The following FTCD variants were observed in gnomAD, a reference collection of about 807,000 sequenced individuals.
FTCD encodes formimidoyltransferase-cyclodeaminase.
Under a neutral mutation model 62.9 loss-of-function variants are expected in FTCD, and 76 were observed. The observed-to-expected ratio is 1.21, with a 90% CI of 1.00 to 1.46. FTCD has a LOEUF of 1.46. FTCD is among the 40% of genes most tolerant of loss of function. The pLI is 0.00. For synonymous variants in FTCD, 397 were observed against 336.9 expected (o/e 1.18, Z -1.95); for missense variants, 845 against 751.3 (o/e 1.12, Z -1.46).
chr21:46,155,284 C>T (rs548332032), intron 1 of FTCD, among the ~76,000 whole-genome samples, 186 bp downstream of exon 1: 2 of 152,320 alleles, frequency 1.3e-5, no homozygotes, highest in South Asian at 4.1e-4. Context: ...TTCCACCCAC[C>T]CCTGGGTCAG....
rs1288768834 is a variant in FTCD, at chr21:46,145,426, G to A, written c.1251C>T (p.Thr417=). ...TLVDADAEAF[T]AYLEAMRLPK... ...TGTGGCCGCCACTCACCAGGTAGGCGGTGAAGGCCTCGGCGTCGGCATCCA... is the reference window on the plus strand; with the variant it reads ...TGTGGCCGCCACTCACCAGGTAGGCAGTGAAGGCCTCGGCGTCGGCATCCA... Residue 417 remains threonine, a synonymous_variant, in exon 10 of 14, where the codon ACC becomes ACT. Coordinates refer to ENST00000397746, the MANE Select transcript of FTCD (RefSeq NM_206965.2). The A allele has an allele frequency of 7.7e-6, 12 of 1,552,414 alleles. No homozygotes were observed. Among genetic ancestry groups the A allele is most frequent in the Admixed American group, 3.8e-5 (2 of 52,660 alleles).
rs756994444 is a variant in FTCD at position 46,136,998 on chromosome 21, G to A, written c.1615C>T (p.Arg539Trp). 29 of 1,613,228 alleles carry A rather than the reference G, an allele frequency of 1.8e-5. No homozygotes were observed. The highest frequency in any genetic ancestry group is 5.5e-5 in the South Asian group (5 of 91,078). Residue 539 changes from arginine to tryptophan, a missense_variant, in exon 14 of 14, where the codon CGG becomes TGG. Arg to Trp is a moderately radical substitution (Grantham distance 101). Transcript: ENST00000397746. ...AALVLDCLET[R>W]QE ...GGCCTCCCGCACCGTCACTCCTGCC[G>A]GGTCTCCAAGCAGTCCAGCACCAGT...
intron 7 of FTCD, among the ~76,000 whole-genome samples, chr21:46,149,317 A>G (rs551307484): frequency 3.1e-4 from 47 of 152,364 alleles, no homozygotes; most frequent in Non-Finnish European, 5.1e-4. Context: ...CAGAGAAGAC[A>G]TCAAAGCTGC....
intron 10 of FTCD, among the ~76,000 whole-genome samples, chr21:46,143,737 G>A (rs774883475): frequency 1.3e-5 from 2 of 152,166 alleles, no homozygotes; most frequent in East Asian, 1.9e-4. Flanking sequence ...GTTACCAAGC[G>A]GAGCATGGTC....
At position 46,138,648 on chromosome 21, in the gene FTCD, T is replaced by C. The variant is rs1339928391; in HGVS notation, c.1305-2A>G. ...CCCTCCTGTAGGGCCGCCGTGCGCC[T>C]GAAAGGAGCAAGAGGAGAGCCTGAG... On this transcript the variant is annotated splice_acceptor_variant, in intron 11 of 13. Transcript: ENST00000397746. LOFTEE classifies it high-confidence loss of function. 1 of 1,595,676 alleles carries C rather than the reference T, an allele frequency of 6.3e-7. No homozygotes were observed. The highest frequency in any genetic ancestry group is 1.3e-5 in the African/African-American group (1 of 74,942).
chr21:46,145,738 C>T, intron 9 of FTCD, 80 bp downstream of exon 9: 1 of 546,968 alleles, frequency 1.8e-6, no homozygotes, highest in Non-Finnish European at 3.2e-6. Context: ...CACCCCGTGC[C>T]CTCCCCCCAA....
chr21:46,145,608 G>C lies in FTCD; in HGVS notation c.1099-30C>G, dbSNP rs1294437419. ...GAGAGGGGTGGATGTGGGGGTCGCA[G>C]GGACCCCAGACGGCCCGGGACCGAC... On this transcript the variant is annotated intron_variant, in intron 9 of 13. Coordinates refer to ENST00000397746, the MANE Select transcript of FTCD (RefSeq NM_206965.2). 2.6e-6 allele frequency: 4 copies of C among 1,516,758 alleles called. No individual in the cohort carries two copies. In the African/African-American group the frequency reaches 5.5e-5, roughly 21 times the overall value. 94.0% of individuals were successfully genotyped at this position (1,516,758 alleles called of 1,614,324 possible).
At chr21:46,153,414 C>A (rs1377181356) in intron 2 of FTCD, among the ~76,000 whole-genome samples, 5 of 152,216 alleles carry the variant, frequency 3.3e-5, no homozygotes, top group African/African-American at 4.8e-5. Flanking sequence ...CAGCCCCGGC[C>A]AGGCCAAGAG....
At chr21:46,139,971 T>C (rs912916682) in intron 10 of FTCD, among the ~76,000 whole-genome samples, 17 of 152,228 alleles carry the variant, frequency 1.1e-4, no homozygotes, top group African/African-American at 3.9e-4. Flanking sequence ...GGCCGAGGCC[T>C]GCCCGCCCGG....
chr21:46,150,365 G>T (rs1377905440), intron 6 of FTCD, 23 bp downstream of exon 6: 2 of 1,612,130 alleles, frequency 1.2e-6, no homozygotes, highest in Non-Finnish European at 1.7e-6. Flanking sequence ...CCTCACAGCA[G>T]CAGCGGCTGC....
At chr21:46,141,936 T>G (rs948740420) in intron 10 of FTCD, among the ~76,000 whole-genome samples, 46 of 152,234 alleles carry the variant, frequency 3.0e-4, no homozygotes, top group Non-Finnish European at 2.9e-5. Context: ...AGGGGGGTGC[T>G]TCCCCCAGTG....
At chr21:46,152,330 G>A (rs4819208) in intron 3 of FTCD, 208,283 of 253,936 alleles carry the variant, frequency 0.82, 86,827 homozygotes, top group East Asian at 0.99. Context: ...CGGCAGAGAA[G>A]AGGAAAAACT....
At position 46,154,231 on chromosome 21, in the gene FTCD, C is replaced by G. The variant is rs554916464; in HGVS notation, c.156G>C (p.Val52=). The G allele has an allele frequency of 3.1e-6, 5 of 1,612,844 alleles. No individual in the cohort carries two copies. Among genetic ancestry groups the G allele is most frequent in the Non-Finnish European group, 2.5e-6 (3 of 1,179,984 alleles). ...PSTNRTVYTF[V]GPPECVVEGA... is the part of the protein sequence containing the mutation. Reference sequence around the variant, plus strand: ...CCTCCACCACGCACTCCGGCGGCCCCACGAAGGTGTACACGGTGCGGTTGG... The same window carrying G: ...CCTCCACCACGCACTCCGGCGGCCCGACGAAGGTGTACACGGTGCGGTTGG... Residue 52 remains valine, a synonymous_variant, in exon 2 of 14, where the codon GTG becomes GTC. Coordinates refer to ENST00000397746, the MANE Select transcript of FTCD (RefSeq NM_206965.2).
intron 10 of FTCD, among the ~76,000 whole-genome samples, chr21:46,139,894 C>T (rs906032735): frequency 2.4e-4 from 37 of 152,140 alleles, no homozygotes; most frequent in African/African-American, 8.7e-4. Flanking sequence ...CCAGGCCTTG[C>T]GGTGTCCATG....
chr21:46,140,337 GGA>G (rs1171054278), intron 10 of FTCD, among the ~76,000 whole-genome samples: 1 of 149,772 alleles, frequency 6.7e-6, no homozygotes, highest in African/African-American at 2.5e-5. Context: ...TTGCTCAGAG[GGA>G]GTGTAAACCA....
rs2079404432 is a variant in FTCD, at chr21:46,155,413, T to C, written c.54+57A>G. 2.8e-6 allele frequency: 4 copies of C among 1,424,198 alleles called. No homozygotes were observed. In the South Asian group the frequency reaches 4.6e-5, roughly 16 times the overall value. 88.2% of individuals were successfully genotyped at this position (1,424,198 alleles called of 1,614,324 possible). A position where few individuals can be genotyped will look rare whatever the true frequency, so the allele number is the denominator to read the frequency against. On this transcript the variant is annotated intron_variant, in intron 1 of 13. Transcript: ENST00000397746. Reference sequence around the variant, plus strand: ...ACCACCTCCTCCATGGCCTGGGCCTTAGCCACTCAAGCTGCCCCATCAGCC... The same window carrying C: ...ACCACCTCCTCCATGGCCTGGGCCTCAGCCACTCAAGCTGCCCCATCAGCC...
At chr21:46,136,302 G>C (rs1414479720), downstream of FTCD, 2 of 710,170 alleles carry the variant, frequency 2.8e-6, no homozygotes, top group East Asian at 2.7e-5. Context: ...CTTCTCTGGA[G>C]ACAGGAGGCT....
Position 46,150,388 on chromosome 21 carries a change from C to A in FTCD, c.774G>T (p.Gln258His). 6.2e-7 allele frequency: 1 copy of A among 1,612,922 alleles called. No individual in the cohort carries two copies. Among genetic ancestry groups the A allele is most frequent in the African/African-American group, 1.3e-5 (1 of 75,046 alleles). ...CAGCAGCGGCTGCTCCCGGGCTCACCTGTGCTTCTCGGCAGGTCTCCTCGT... is the reference window on the plus strand; with the variant it reads ...CAGCAGCGGCTGCTCCCGGGCTCACATGTGCTTCTCGGCAGGTCTCCTCGT... ...TVYEETCREA[Q>H]ELSLPVVGSQ... Residue 258 changes from glutamine to histidine, a missense_variant and splice_region_variant, in exon 6 of 14, where the codon CAG becomes CAT. Transcript: ENST00000397746.
chr21:46,138,891 C>A lies in FTCD; in HGVS notation c.1293G>T (p.Glu431Asp), dbSNP rs769728202. Residue 431 changes from glutamate (E) to aspartate (D), a missense_variant, in exon 11 of 14, where the codon GAG (glutamate) becomes GAT (aspartate). Physicochemically the swap from Glu to Asp is conservative, Grantham distance 45 (BLOSUM62 2). Transcript: ENST00000397746. ...EAMRLPKNTPEEKDRRTAALQ... is the reference protein window; with the variant it reads ...EAMRLPKNTPDEKDRRTAALQ... Reference sequence around the variant, plus strand: ...CCCTCCAGGCTCACCTGTCCTTTTCCTCAGGTGTGTTCTTGGGGAGCCTCA... The same window carrying A: ...CCCTCCAGGCTCACCTGTCCTTTTCATCAGGTGTGTTCTTGGGGAGCCTCA... 4 of 1,612,748 alleles carry A rather than the reference C, an allele frequency of 2.5e-6. No homozygotes were observed. Among genetic ancestry groups the A allele is most frequent in the African/African-American group, 2.7e-5 (2 of 74,912 alleles).
Sources: gnomAD v4.1 joint callset for allele counts (sites outside exome capture counted in the v4.1 genomes callset) on GRCh38, gnomAD v4.1.1 for gene constraint, MANE v1.5 for transcripts, NCBI Gene and HGNC (gene_info 2026-07-23, HGNC 2026-07-21) for gene names.